TPO: variants seen among roughly 807,000 people sequenced by gnomAD.
The protein encoded by TPO is thyroid microsomal antigen.
A neutral mutation model predicts 96.9 loss-of-function variants in TPO; 78 were observed. The observed-to-expected ratio is 0.81, with a 90% CI of 0.67 to 0.97. The LOEUF (loss-of-function observed/expected upper bound fraction) is 0.97. TPO is among the 50% of genes least tolerant of loss of function. The probability of loss-of-function intolerance (pLI) is 0.00; values close to 1 mark genes in which losing one functional copy is unlikely to be tolerated. For missense variants in TPO, 1,252 were observed against 1,274.8 expected (o/e 0.98, Z 0.27); for synonymous variants, 547 against 538.0 (o/e 1.02, Z -0.23).
intron 2 of TPO, among the ~76,000 whole-genome samples, chr2:1,422,395 G>GACTGACCTCGTGCAGGTGCCGC (rs1163151839): frequency 1.3e-5 from 2 of 151,462 alleles, no homozygotes; most frequent in Non-Finnish European, 2.9e-5. Flanking sequence ...CGCCGCGCTG[G>GACTGACCTCGTGCAGGTGCCGC]GCCATGGGGA....
At chr2:1,376,641 G>C (rs1187954244) in intron 1 of TPO, among the ~76,000 whole-genome samples, 1 of 152,086 alleles carries the variant, frequency 6.6e-6, no homozygotes, top group East Asian at 1.9e-4. Context: ...AGTCCACACG[G>C]ATGAGGCAGG....
In TPO at chr2:1,543,244, C is replaced by T. The variant is rs1377027712; in HGVS notation, c.*770C>T. ...TGCCGTCCTCATTTCACATGTGAAG[C>T]AGCTGAATTCCAGAGTGCTGGGTCC... On this transcript the variant is annotated 3_prime_UTR_variant, in exon 17 of 17. Transcript: ENST00000329066. The T allele has an allele frequency of 6.6e-6, 1 of 152,458 alleles. No individual in the cohort carries two copies. The highest frequency in any genetic ancestry group is 1.5e-5 in the Non-Finnish European group (1 of 68,254). The allele number at this position is 152,458 out of a possible 1,614,324, so 9.4% of individuals were successfully genotyped here. A position where few individuals can be genotyped will look rare whatever the true frequency, so the allele number is the denominator to read the frequency against.
chr2:1,422,232 A>G (rs1663627515), intron 2 of TPO, among the ~76,000 whole-genome samples: 1 of 104,776 alleles, frequency 9.5e-6, no homozygotes, highest in Admixed American at 1.1e-4. Context: ...ATGCTGGGGA[A>G]TTTGTGTGCT....
chr2:1,542,411 A>C lies in TPO; in HGVS notation c.2749-10A>C. 6.2e-7 allele frequency: 1 copy of C among 1,614,106 alleles called. No homozygotes were observed. Among genetic ancestry groups the C allele is most frequent in the East Asian group, 2.2e-5 (1 of 44,868 alleles). On this transcript the variant is annotated splice_polypyrimidine_tract_variant and intron_variant, in intron 16 of 16. Coordinates refer to ENST00000329066, the MANE Select transcript of TPO (RefSeq NM_001206744.2). ...CAGACGTTATTAATGTTTGTTCTGC[A>C]TTTTTGCAGGAGAGTGCTGGGATGG...
intron 9 of TPO, among the ~76,000 whole-genome samples, chr2:1,485,057 T>TGACC (rs1671010998): frequency 7.9e-6 from 1 of 126,096 alleles, no homozygotes; most frequent in Non-Finnish European, 1.7e-5. Flanking sequence ...TCCCTCCCCC[T>TGACC]GACCCCCACC....
At chr2:1,536,823 ACTGTGTGCAACCTCCCCAAATCCCG>A (rs1679777230) in intron 15 of TPO, among the ~76,000 whole-genome samples, 1 of 16,142 alleles carries the variant, frequency 6.2e-5, no homozygotes, top group African/African-American at 1.5e-4. Context: ...AATCCCCCCC[ACTGTGTGCAACCTCCCCAAATCCCG>A]CCACTGTGTT....
chr2:1,428,911 G>A lies in TPO; in HGVS notation c.180-4527G>A, dbSNP rs115998250. 6.8e-3 allele frequency among the ~76,000 whole-genome samples: 1,032 copies of A among 152,276 alleles called. 6 individuals carry two copies. Among genetic ancestry groups the A allele is most frequent in the South Asian group, 0.013 (62 of 4,820 alleles). ...AATGTCACTTGTGTCTGGGCCGAGAGTCTCCTGTCTTTGGCTGGCATCCAT... is the reference window on the plus strand; with the variant it reads ...AATGTCACTTGTGTCTGGGCCGAGAATCTCCTGTCTTTGGCTGGCATCCAT... On this transcript the variant is annotated intron_variant, in intron 3 of 16. Coordinates refer to ENST00000329066, the MANE Select transcript of TPO (RefSeq NM_001206744.2).
chr2:1,440,166 CCG>C (rs1666021934), intron 5 of TPO, among the ~76,000 whole-genome samples: 1 of 78,936 alleles, frequency 1.3e-5, no homozygotes, highest in Non-Finnish European at 2.5e-5. Context: ...TGCGTTTCCA[CCG>C]TGCTGCGTTT....
At chr2:1,378,628 C>T (rs1356265845) in intron 1 of TPO, among the ~76,000 whole-genome samples, 1 of 152,188 alleles carries the variant, frequency 6.6e-6, no homozygotes, top group African/African-American at 2.4e-5. Flanking sequence ...CACCTGCCTC[C>T]AGGGCGACTG....
In TPO at chr2:1,527,648, TCCC is replaced by T. The variant is rs34480829; in HGVS notation, c.2618+10672_2618+10674del. On this transcript the variant is annotated intron_variant, in intron 15 of 16. Coordinates refer to ENST00000329066, the MANE Select transcript of TPO (RefSeq NM_001206744.2). ...CCCTACTCTCTGCAGACTCCCCAAA[TCCC>T]CCCCCAATCTGTGCAACCTCCCCAA... Among the ~76,000 whole-genome samples, 611 of 76,744 alleles carry T rather than the reference TCCC, an allele frequency of 8.0e-3. 18 individuals carry two copies. Among genetic ancestry groups the T allele is most frequent in the African/African-American group, 0.032 (589 of 18,292 alleles). 50.3% of individuals were successfully genotyped at this position (76,744 alleles called of 152,430 possible). A position where few individuals can be genotyped will look rare whatever the true frequency, so the allele number is the denominator to read the frequency against.
intron 14 of TPO, among the ~76,000 whole-genome samples, chr2:1,508,131 T>C (rs1392022945): frequency 1.3e-5 from 2 of 151,422 alleles, no homozygotes; most frequent in Admixed American, 6.6e-5. Context: ...TTTCTGCATC[T>C]ATTGAGATAA....
chr2:1,398,815 C>T (rs935619100), intron 1 of TPO, among the ~76,000 whole-genome samples: 5 of 152,264 alleles, frequency 3.3e-5, no homozygotes, highest in Admixed American at 6.5e-5. Context: ...CCAGGGAGTG[C>T]AGAGAAGGTG....
At chr2:1,409,102 G>A (rs552115969), upstream of TPO, among the ~76,000 whole-genome samples, 1 of 151,994 alleles carries the variant, frequency 6.6e-6, no homozygotes, top group South Asian at 2.1e-4. Context: ...GGTCCCCAGA[G>A]TCCATGAGAG....
At chr2:1,506,130 T>C (rs1256980603) in intron 14 of TPO, among the ~76,000 whole-genome samples, 2 of 151,832 alleles carry the variant, frequency 1.3e-5, no homozygotes, top group African/African-American at 2.4e-5. Context: ...AGTGAGAACA[T>C]GCGGTGTTTG....
At chr2:1,519,744 C>G (rs1284701917) in intron 15 of TPO, among the ~76,000 whole-genome samples, 3 of 152,168 alleles carry the variant, frequency 2.0e-5, no homozygotes, top group African/African-American at 4.8e-5. Context: ...GTAACAAAAA[C>G]TGATACGACT....
chr2:1,452,508 A>G (rs1324374169), intron 5 of TPO, among the ~76,000 whole-genome samples: 1 of 152,222 alleles, frequency 6.6e-6, no homozygotes, highest in East Asian at 1.9e-4. Context: ...GAGACAGTTC[A>G]GCAGCAACCC....
At chr2:1,459,720 G>A (rs575646976) in intron 7 of TPO, among the ~76,000 whole-genome samples, 114 of 152,248 alleles carry the variant, frequency 7.5e-4, no homozygotes, top group African/African-American at 2.7e-3. Context: ...TAATATTGGG[G>A]GAAAGGTGGA....
intron 5 of TPO, among the ~76,000 whole-genome samples, chr2:1,446,156 G>T (rs1666792667): frequency 1.3e-5 from 2 of 152,154 alleles, no homozygotes; most frequent in Admixed American, 6.5e-5. Flanking sequence ...GTACACCCCA[G>T]AGGGCTGCCT....
At chr2:1,491,934 C>A (rs1023782049) in intron 10 of TPO, among the ~76,000 whole-genome samples, 4 of 152,162 alleles carry the variant, frequency 2.6e-5, no homozygotes, top group Admixed American at 2.6e-4. Context: ...CTGTGGACAG[C>A]AGGAGTCAGG....
Sources: gnomAD v4.1 joint callset for allele counts (sites outside exome capture counted in the v4.1 genomes callset) on GRCh38, gnomAD v4.1.1 for gene constraint, MANE v1.5 for transcripts, NCBI Gene and HGNC (gene_info 2026-07-23, HGNC 2026-07-21) for gene names.